The following HVCN1 variants were observed in gnomAD, a reference collection of about 807,000 sequenced individuals.
HVCN1 encodes voltage-gated hydrogen channel 1.
A neutral mutation model predicts 29.2 loss-of-function variants in HVCN1; 14 were observed. That is an observed-to-expected ratio of 0.48 (90% CI 0.32 to 0.75). The LOEUF (loss-of-function observed/expected upper bound fraction) is 0.75, where lower values mean the gene tolerates loss of function less well. HVCN1 is among the 30% of genes least tolerant of loss of function. HVCN1 has a pLI of 0.04. For synonymous variants in HVCN1, 131 were observed against 133.2 expected (o/e 0.98, Z 0.11); for missense variants, 263 against 341.8 (o/e 0.77, Z 1.82).
chr12:110,650,708 T>C lies in HVCN1; in HGVS notation c.644-428A>G, dbSNP rs538240689. Among the ~76,000 whole-genome samples, 1,027 of 151,762 alleles carry C rather than the reference T, an allele frequency of 6.8e-3. 1 individual carries two copies. Among genetic ancestry groups the C allele is most frequent in the Non-Finnish European group, 9.4e-3 (635 of 67,900 alleles). On this transcript the variant is annotated intron_variant, in intron 6 of 7. Transcript: ENST00000242607. ...GACAAGAGTCCAGTTTTTTTTTTTT[T>C]TTTTGAGATGGGGTCTGGCTCTGTC...
At chr12:110,654,112 G>A (rs1202157382) in intron 5 of HVCN1, among the ~76,000 whole-genome samples, 1 of 152,068 alleles carries the variant, frequency 6.6e-6, no homozygotes, top group African/African-American at 2.4e-5. Context: ...CAATAAGTAT[G>A]GCAGGTATGT....
intron 3 of HVCN1, among the ~76,000 whole-genome samples, chr12:110,666,502 G>C (rs1012219312): frequency 2.0e-5 from 3 of 152,082 alleles, no homozygotes; most frequent in Non-Finnish European, 2.9e-5. Context: ...TGGAAACACA[G>C]GGAGAAAAAA....
intron 2 of HVCN1, among the ~76,000 whole-genome samples, chr12:110,697,241 T>C (rs955244895): frequency 3.9e-5 from 6 of 152,068 alleles, no homozygotes; most frequent in African/African-American, 1.4e-4. Context: ...AGTGCACAAC[T>C]GGTATTGACA....
chr12:110,659,315 A>G (rs1320448324), intron 4 of HVCN1, among the ~76,000 whole-genome samples: 3 of 151,992 alleles, frequency 2.0e-5, no homozygotes, highest in East Asian at 3.8e-4. Context: ...AAGAGTGGGG[A>G]AAAAAAAGAC....
intron 2 of HVCN1, among the ~76,000 whole-genome samples, chr12:110,683,541 C>T (rs1267649666): frequency 1.3e-5 from 2 of 152,164 alleles, no homozygotes; most frequent in Admixed American, 6.5e-5. Flanking sequence ...GGAAACGACC[C>T]GCTTGTCCAT....
At chr12:110,686,222 C>A (rs1165911751) in intron 2 of HVCN1, among the ~76,000 whole-genome samples, 2 of 152,078 alleles carry the variant, frequency 1.3e-5, no homozygotes, top group African/African-American at 4.8e-5. Context: ...CCAGGCTGGT[C>A]TCAGACTCCT....
At chr12:110,665,581 G>T (rs2068319218) in intron 3 of HVCN1, among the ~76,000 whole-genome samples, 1 of 149,590 alleles carries the variant, frequency 6.7e-6, no homozygotes, top group Non-Finnish European at 1.5e-5. Flanking sequence ...GACTAAAAAT[G>T]TACAGAGATA....
At chr12:110,659,981 T>C (rs2068114518) in intron 4 of HVCN1, among the ~76,000 whole-genome samples, 1 of 148,204 alleles carries the variant, frequency 6.7e-6, no homozygotes, top group Admixed American at 6.7e-5. Flanking sequence ...CAGGATAGCT[T>C]GAACCCAGGA....
chr12:110,654,582 G>A (rs1362433823), intron 5 of HVCN1, among the ~76,000 whole-genome samples: 3 of 150,900 alleles, frequency 2.0e-5, no homozygotes, highest in African/African-American at 4.9e-5. Context: ...GGGTTCAAGC[G>A]ATTCTCCTGC....
chr12:110,689,263 C>G (rs1442734872), upstream of HVCN1: 2 of 151,626 alleles, frequency 1.3e-5, no homozygotes, highest in Non-Finnish European at 2.9e-5. This position sits in a 1 kb window ranked among gnomAD's most constrained non-coding sequence, Gnocchi z 5.7. Flanking sequence ...CGGCCCGGGT[C>G]TTAGTCCCCT....
rs779212787 is a variant in HVCN1 at position 110,676,265 on chromosome 12, G to A, written c.21+6960C>T. ...CCCCCTGCCTCACTTGGAGGCTGTC[G>A]CAGCTCCTCTCTGCTCTCTCCTTCC... On this transcript the variant is annotated intron_variant, in intron 3 of 7. Coordinates refer to ENST00000242607, the MANE Select transcript of HVCN1 (RefSeq NM_032369.4). The surrounding 1 kb of genome is among the most constrained non-coding windows in gnomAD (Gnocchi z 4.1). Among the ~76,000 whole-genome samples, 50 of 152,162 alleles carry A rather than the reference G, an allele frequency of 3.3e-4. No individual in the cohort carries two copies. Among genetic ancestry groups the A allele is most frequent in the Non-Finnish European group, 5.9e-4 (40 of 68,026 alleles).
rs182006927 is a variant in HVCN1, at chr12:110,658,710, T to C, written c.306+2454A>G. Among the ~76,000 whole-genome samples the C allele has an allele frequency of 2.0e-5, 3 of 152,262 alleles. No homozygotes were observed. The East Asian group carries it at 5.8e-4, about 29-fold the overall frequency. ...GGCTTCTCTCCATTTGTAACCAATGTGTGTCTCAGTGATGGCTCCCGTCAT... is the reference window on the plus strand; with the variant it reads ...GGCTTCTCTCCATTTGTAACCAATGCGTGTCTCAGTGATGGCTCCCGTCAT... On this transcript the variant is annotated intron_variant, in intron 4 of 7. Coordinates refer to ENST00000242607, the MANE Select transcript of HVCN1 (RefSeq NM_032369.4). This position sits in a 1 kb window ranked among gnomAD's most constrained non-coding sequence, Gnocchi z 5.0.
At chr12:110,656,608 ACT>A (rs1253970649) in intron 4 of HVCN1, among the ~76,000 whole-genome samples, 1 of 151,886 alleles carries the variant, frequency 6.6e-6, no homozygotes, top group Non-Finnish European at 1.5e-5. Flanking sequence ...TGCCGCTCAC[ACT>A]CTCAGATCAG....
chr12:110,652,871 A>G (rs2067860179), intron 5 of HVCN1, among the ~76,000 whole-genome samples: 1 of 152,214 alleles, frequency 6.6e-6, no homozygotes, highest in African/African-American at 2.4e-5. Flanking sequence ...TTACCACTGC[A>G]ACGGGAAAAA....
intron 5 of HVCN1, 121 bp downstream of exon 5, chr12:110,655,113 A>G: frequency 1.5e-6 from 1 of 646,970 alleles, no homozygotes; most frequent in Non-Finnish European, 2.8e-6. Context: ...AACACCTATC[A>G]AACTACCACA....
chr12:110,702,830 T>A (rs1382000749), intron 1 of HVCN1, among the ~76,000 whole-genome samples: 1 of 152,140 alleles, frequency 6.6e-6, no homozygotes, highest in Non-Finnish European at 1.5e-5. Context: ...AATTTTGTAT[T>A]TTTAGTAGAA....
chr12:110,681,152 G>C (rs147429697), intron 3 of HVCN1, among the ~76,000 whole-genome samples: 1 of 152,170 alleles, frequency 6.6e-6, no homozygotes, highest in Non-Finnish European at 1.5e-5. Context: ...GGCTGGGCCT[G>C]ACAATTGATC....
intron 3 of HVCN1, among the ~76,000 whole-genome samples, chr12:110,675,492 C>A (rs1169819205): frequency 6.6e-6 from 1 of 152,102 alleles, no homozygotes; most frequent in Non-Finnish European, 1.5e-5. Context: ...AAAATAAAAT[C>A]ATAAGTAAGT....
intron 5 of HVCN1, among the ~76,000 whole-genome samples, chr12:110,654,335 C>T (rs1401797154): frequency 6.6e-6 from 1 of 151,986 alleles, no homozygotes; most frequent in East Asian, 1.9e-4. Flanking sequence ...CACAGGGCTG[C>T]CTCTGGGAAA....
Sources: gnomAD v4.1 joint callset for allele counts (sites outside exome capture counted in the v4.1 genomes callset) on GRCh38, gnomAD v4.1.1 for gene constraint, Gnocchi (gnomAD v3.1) non-coding constraint, MANE v1.5 for transcripts, NCBI Gene and HGNC (gene_info 2026-07-23, HGNC 2026-07-21) for gene names.